The following NGEF variants were observed in gnomAD, a reference collection of about 807,000 sequenced individuals.
NGEF encodes neuronal guanine nucleotide exchange factor, also known as ephexin-1.
A neutral mutation model predicts 80.9 loss-of-function variants in NGEF; 31 were observed. The ratio of observed to expected loss-of-function variants is 0.38; its 90% CI spans 0.29 to 0.52. The LOEUF (loss-of-function observed/expected upper bound fraction) is 0.52, where lower values mean the gene tolerates loss of function less well. Among genes scored for constraint, NGEF ranks in the 20% least tolerant of loss-of-function variants. The probability of loss-of-function intolerance (pLI) is 0.84; values close to 1 mark genes in which losing one functional copy is unlikely to be tolerated. For synonymous variants in NGEF, 371 were observed against 370.2 expected (o/e 1.00, Z -0.03); for missense variants, 709 against 926.2 (o/e 0.77, Z 3.04).
intron 3 of NGEF, among the ~76,000 whole-genome samples, chr2:232,927,727 G>A (rs1371632666): frequency 6.6e-6 from 1 of 152,012 alleles, no homozygotes; most frequent in Admixed American, 6.5e-5. Flanking sequence ...CCCACCCGAT[G>A]GGGTGCGGGC....
chr2:232,920,237 C>G (rs759889756), intron 5 of NGEF, 47 bp downstream of exon 5: 5 of 1,561,628 alleles, frequency 3.2e-6, no homozygotes, highest in Admixed American at 3.5e-5. Flanking sequence ...CAGTGAGGGC[C>G]ACCCCGGTGT....
intron 8 of NGEF, among the ~76,000 whole-genome samples, chr2:232,888,883 C>T (rs1006893571): frequency 1.3e-5 from 2 of 152,254 alleles, no homozygotes; most frequent in Admixed American, 6.5e-5. Flanking sequence ...CTGTAAATTA[C>T]GATTTTGACA....
intron 3 of NGEF, 177 bp downstream of exon 3, chr2:232,970,037 C>A (rs1316929174): frequency 5.1e-6 from 2 of 392,820 alleles, no homozygotes; most frequent in Non-Finnish European, 8.9e-6. Flanking sequence ...CTGTACAAAA[C>A]AAAAGTTTTT....
intron 1 of NGEF, among the ~76,000 whole-genome samples, chr2:233,001,250 C>A (rs531788388): frequency 1.3e-5 from 2 of 152,238 alleles, no homozygotes; most frequent in Non-Finnish European, 2.9e-5. Context: ...ACAGACCTCT[C>A]GCTCAGGCCC....
At chr2:232,957,035 T>C (rs888900193) in intron 3 of NGEF, among the ~76,000 whole-genome samples, 7 of 152,068 alleles carry the variant, frequency 4.6e-5, no homozygotes, top group Admixed American at 6.5e-5. Context: ...ATAGTGGTAA[T>C]TATGATAAAG....
intron 4 of NGEF, among the ~76,000 whole-genome samples, chr2:232,926,419 G>C (rs1405938753): frequency 1.3e-5 from 2 of 151,852 alleles, no homozygotes; most frequent in African/African-American, 4.8e-5. Flanking sequence ...TGCTTCAGGT[G>C]CAGCTGTGTA....
chr2:232,941,063 A>T (rs972516563), intron 3 of NGEF, among the ~76,000 whole-genome samples: 1 of 152,186 alleles, frequency 6.6e-6, no homozygotes, highest in East Asian at 1.9e-4. Flanking sequence ...AGAGTTTTTA[A>T]GGATAATTTG....
chr2:232,894,751 C>A lies in NGEF; in HGVS notation c.989+5G>T. 1 of 1,569,476 alleles carries A rather than the reference C, an allele frequency of 6.4e-7. No individual in the cohort carries two copies. Among genetic ancestry groups the A allele is most frequent in the South Asian group, 1.1e-5 (1 of 88,106 alleles). Reference sequence around the variant, plus strand: ...GAGGGAGGTGGCTGTCCCCCCCGTCCTCACCGCTCACTGACAGCCAGCACG... The same window carrying A: ...GAGGGAGGTGGCTGTCCCCCCCGTCATCACCGCTCACTGACAGCCAGCACG... On this transcript the variant is annotated splice_donor_5th_base_variant and intron_variant, in intron 6 of 14. Coordinates refer to ENST00000264051, the MANE Select transcript of NGEF (RefSeq NM_019850.3).
At chr2:233,009,512 C>T (rs1453629824) in intron 1 of NGEF, among the ~76,000 whole-genome samples, 1 of 152,034 alleles carries the variant, frequency 6.6e-6, no homozygotes, top group Non-Finnish European at 1.5e-5. Flanking sequence ...TCATCAGCAA[C>T]TTGGGGCCAG....
intron 1 of NGEF, among the ~76,000 whole-genome samples, chr2:232,987,553 C>A (rs767759876): frequency 6.6e-6 from 1 of 152,084 alleles, no homozygotes; most frequent in Non-Finnish European, 1.5e-5. Context: ...GCCCAGGGCT[C>A]CCTGCAGGAA....
At chr2:232,905,104 A>T in intron 5 of NGEF, among the ~76,000 whole-genome samples, 1 of 147,522 alleles carries the variant, frequency 6.8e-6, no homozygotes. Flanking sequence ...CTCTCCTCTC[A>T]CCTCTCACCT....
chr2:232,928,446 C>T lies in NGEF; in HGVS notation c.384-1260G>A, dbSNP rs1046294656. On this transcript the variant is annotated intron_variant, in intron 3 of 14. Transcript: ENST00000264051. ...CACGGCGGGGGAAGCCTGGAAGGGG[C>T]GGGCGAGGCCACCCTCGGCTCCCCA... Among the ~76,000 whole-genome samples, 5 of 151,624 alleles carry T rather than the reference C, an allele frequency of 3.3e-5. No homozygotes were observed. In the East Asian group the frequency reaches 9.7e-4, roughly 29 times the overall value.
At chr2:232,952,970 C>CAAAAAA (rs57198276) in intron 3 of NGEF, among the ~76,000 whole-genome samples, 1 of 73,068 alleles carries the variant, frequency 1.4e-5, no homozygotes, top group Admixed American at 1.7e-4. Context: ...AGACAGCCCT[C>CAAAAAA]AAAAAAAAAA....
intron 1 of NGEF, among the ~76,000 whole-genome samples, chr2:233,009,485 T>C (rs993127266): frequency 1.3e-5 from 2 of 152,074 alleles, no homozygotes; most frequent in Non-Finnish European, 2.9e-5. Context: ...ACCCGGTTCA[T>C]ATACCCATTT....
chr2:232,901,460 G>A (rs1198425223), intron 5 of NGEF: 15 of 984,808 alleles, frequency 1.5e-5, no homozygotes, highest in East Asian at 1.1e-4. Flanking sequence ...CGACCCCTGT[G>A]TTAACAAATC....
In NGEF at chr2:233,013,246, TG is replaced by T. The variant is rs1278956228; in HGVS notation, c.-254del. 2.1e-6 allele frequency: 1 copy of T among 471,152 alleles called. No individual in the cohort carries two copies. The highest frequency in any genetic ancestry group is 1.5e-5 in the South Asian group (1 of 64,576). The allele number at this position is 471,152 out of a possible 1,614,324, so 29.2% of individuals were successfully genotyped here. ...TCGTCCTGTCCTGGAAAAGCTTCAC[TG>T]GTAAGCATTCCCGACCTTTAGACCT... On this transcript the variant is annotated 5_prime_UTR_variant, in exon 1 of 15. It introduces an in-frame stop codon into an upstream open reading frame of the 5' UTR. Coordinates refer to ENST00000264051, the MANE Select transcript of NGEF (RefSeq NM_019850.3).
At chr2:232,958,225 G>A (rs953165838) in intron 3 of NGEF, among the ~76,000 whole-genome samples, 1 of 152,154 alleles carries the variant, frequency 6.6e-6, no homozygotes, top group African/African-American at 2.4e-5. Context: ...ACTAGGGGAG[G>A]TGGAGAAATG....
intron 5 of NGEF, among the ~76,000 whole-genome samples, chr2:232,904,379 C>A (rs1021833433): frequency 1.2e-4 from 18 of 152,090 alleles, no homozygotes; most frequent in African/African-American, 4.3e-4. Context: ...CAGGCATGTG[C>A]CACCATGGCA....
chr2:233,012,248 C>G (rs1293591635), intron 1 of NGEF, among the ~76,000 whole-genome samples: 2 of 152,182 alleles, frequency 1.3e-5, no homozygotes, highest in African/African-American at 4.8e-5. Flanking sequence ...GCCCAGGAAA[C>G]ACAAGTCCCA....
Sources: gnomAD v4.1 joint callset for allele counts (sites outside exome capture counted in the v4.1 genomes callset) on GRCh38, gnomAD v4.1.1 for gene constraint, MANE v1.5 for transcripts, NCBI Gene and HGNC (gene_info 2026-07-23, HGNC 2026-07-21) for gene names.